The following CACNA2D4 variants were observed in gnomAD, a reference collection of about 807,000 sequenced individuals.
The protein encoded by CACNA2D4 is calcium voltage-gated channel auxiliary subunit alpha2delta 4.
Under a neutral mutation model 163.8 loss-of-function variants are expected in CACNA2D4, and 157 were observed. The ratio of observed to expected loss-of-function variants is 0.96; its 90% CI spans 0.84 to 1.09. The LOEUF is 1.09. Among genes scored for constraint, CACNA2D4 ranks in the 50% least tolerant of loss-of-function variants. CACNA2D4 has a pLI of 0.00. For missense variants in CACNA2D4, 1,410 were observed against 1,479.9 expected (o/e 0.95, Z 0.78); for synonymous variants, 598 against 586.9 (o/e 1.02, Z -0.27).
In CACNA2D4 at chr12:1,884,209, C is replaced by T. The variant is rs762593313; in HGVS notation, c.1351+34G>A. 6.9e-6 allele frequency: 11 copies of T among 1,595,054 alleles called. No homozygotes were observed. The Admixed American group carries it at 1.5e-4, about 22-fold the overall frequency. On this transcript the variant is annotated intron_variant, in intron 12 of 37. Transcript: ENST00000382722. The stretch of plus-strand genomic sequence containing the variant: ...TAACCCTGTCTCCTGTGCTCAGGTG[C>T]AGGTGGGAAGGTACCTGCTGGCCCG...
At chr12:1,857,063 G>A (rs574770297) in intron 20 of CACNA2D4, among the ~76,000 whole-genome samples, 250 of 152,322 alleles carry the variant, frequency 1.6e-3, no homozygotes, top group African/African-American at 5.7e-3. Flanking sequence ...TCTCCTGGAG[G>A]AGTGCACCCT....
At chr12:1,900,704 G>T (rs1866516988) in intron 6 of CACNA2D4, among the ~76,000 whole-genome samples, 1 of 152,118 alleles carries the variant, frequency 6.6e-6, no homozygotes, top group Admixed American at 6.6e-5. Context: ...GATATATAAA[G>T]CTAATATTAT....
In CACNA2D4 at chr12:1,884,317, C is replaced by G; in HGVS notation, c.1277G>C (p.Arg426Pro). 1 of 1,612,036 alleles carries G rather than the reference C, an allele frequency of 6.2e-7. No individual in the cohort carries two copies. The highest frequency in any genetic ancestry group is 1.3e-5 in the African/African-American group (1 of 75,020). ...TCTCCCAATGAGGTAAGTGAAAACTCGGACCTAACCCACAAGACACAGAGG... is the reference window on the plus strand; with the variant it reads ...TCTCCCAATGAGGTAAGTGAAAACTGGGACCTAACCCACAAGACACAGAGG... ...EKYNWPDCKV[R>P]VFTYLIGREV... Residue 426 changes from arginine (R) to proline (P), a missense_variant, in exon 12 of 38, where the codon CGA (arginine) becomes CCA (proline). Physicochemically the swap from Arg to Pro is moderately radical, Grantham distance 103. Transcript: ENST00000382722.
Position 1,856,228 on chromosome 12 carries a change from G to A in CACNA2D4, c.2010C>T (p.Gly670=). ...ILLGNTSVEE[G]LHDLLHPDLA... The stretch of plus-strand genomic sequence containing the variant: ...GGTCTGGGTGAAGCAAGTCATGCAG[G>A]CCTGAAACCAGAGTCCACATTCAGG... The change falls in exon 21 of 38, where the codon GGC becomes GGT. Residue 670 remains glycine, a splice_region_variant and synonymous_variant. Coordinates refer to ENST00000382722, the MANE Select transcript of CACNA2D4 (RefSeq NM_172364.5). The A allele has an allele frequency of 6.2e-7, 1 of 1,613,996 alleles. No homozygotes were observed. The highest frequency in any genetic ancestry group is 2.2e-5 in the East Asian group (1 of 44,884).
rs1457031721 is a variant in CACNA2D4, at chr12:1,875,565, A to T, written c.1720-228T>A. ...CACGGCCTCTGAGTGAATCTTCCCC[A>T]TGGCAGGGAGCTCCCTATCTCGTGG... On this transcript the variant is annotated intron_variant, in intron 16 of 37. Coordinates refer to ENST00000382722, the MANE Select transcript of CACNA2D4 (RefSeq NM_172364.5). The surrounding 1 kb of genome is among the most constrained non-coding windows in gnomAD (Gnocchi z 4.0). 6.6e-6 allele frequency among the ~76,000 whole-genome samples: 1 copy of T among 152,018 alleles called. No homozygotes were observed. The highest frequency in any genetic ancestry group is 1.5e-5 in the Non-Finnish European group (1 of 67,978).
At position 1,860,210 on chromosome 12, in the gene CACNA2D4, A is replaced by G; in HGVS notation, c.1879-4T>C. ...TGGTCAGGAAAAGAACTCGCTTCTG[A>G]AAGAGTAGACAAGGAAAGAGTGCTC... On this transcript the variant is annotated splice_polypyrimidine_tract_variant and splice_region_variant and intron_variant, in intron 18 of 37. Coordinates refer to ENST00000382722, the MANE Select transcript of CACNA2D4 (RefSeq NM_172364.5). 1 of 1,612,866 alleles carries G rather than the reference A, an allele frequency of 6.2e-7. No homozygotes were observed. The highest frequency in any genetic ancestry group is 8.5e-7 in the Non-Finnish European group (1 of 1,179,196).
intron 31 of CACNA2D4, 70 bp downstream of exon 31, chr12:1,800,973 G>T: frequency 1.4e-6 from 2 of 1,428,476 alleles, no homozygotes; most frequent in Non-Finnish European, 2.0e-6. Flanking sequence ...AGGGACCAGT[G>T]ACCTCATTCC....
chr12:1,811,738 G>A lies in CACNA2D4; in HGVS notation c.2552-15C>T, dbSNP rs748711696. 2.9e-4 allele frequency: 459 copies of A among 1,558,162 alleles called. No homozygotes were observed. Among genetic ancestry groups the A allele is most frequent in the Non-Finnish European group, 3.9e-4 (451 of 1,150,494 alleles). On this transcript the variant is annotated splice_polypyrimidine_tract_variant and intron_variant, in intron 26 of 37. Transcript: ENST00000382722. ...GACGCCCGCGGCTACAGGGCAGAAA[G>A]AGAGAGGGCAAGGCCAGGGAAGAGA...
chr12:1,893,727 C>T (rs1318597832), intron 6 of CACNA2D4, among the ~76,000 whole-genome samples: 1 of 151,898 alleles, frequency 6.6e-6, no homozygotes, highest in East Asian at 1.9e-4. Context: ...AATTGAAAAA[C>T]AATATACCAA....
At chr12:1,822,968 G>A (rs1007734232) in intron 26 of CACNA2D4, among the ~76,000 whole-genome samples, 2 of 152,212 alleles carry the variant, frequency 1.3e-5, no homozygotes, top group Admixed American at 6.5e-5. Flanking sequence ...CAGGCCCAGG[G>A]TGTGGGCCCA....
intron 25 of CACNA2D4, 130 bp from the exon 26 acceptor site, chr12:1,840,949 G>T (rs2154447676): frequency 1.3e-6 from 1 of 774,654 alleles, no homozygotes; most frequent in African/African-American, 1.7e-5. Flanking sequence ...TTGAGGCGAG[G>T]GTGGGGACAG....
At chr12:1,889,074 C>T (rs1227737154) in intron 6 of CACNA2D4, among the ~76,000 whole-genome samples, 1 of 152,198 alleles carries the variant, frequency 6.6e-6, no homozygotes, top group African/African-American at 2.4e-5. Context: ...AGTGGATAAA[C>T]AGTTTTAAGA....
Position 1,878,331 on chromosome 12 carries a change from G to T in CACNA2D4, c.1703C>A (p.Pro568His), listed in dbSNP as rs1380860092. ...TGTACCTACCAGGGGCCGGAGGTCGGGATGGGAGAGGATGTAGCCATTGTT... is the reference window on the plus strand; with the variant it reads ...TGTACCTACCAGGGGCCGGAGGTCGTGATGGGAGAGGATGTAGCCATTGTT... The part of the protein sequence containing the change: ...NTNNGYILSH[P>H]DLRPLYREGK... Residue 568 changes from proline to histidine, a missense_variant, in exon 16 of 38, where the codon CCC becomes CAC. By Grantham distance (77) the Pro-to-His change is moderately conservative (BLOSUM62 -2). Coordinates refer to ENST00000382722, the MANE Select transcript of CACNA2D4 (RefSeq NM_172364.5). This position sits in a 1 kb window ranked among gnomAD's most constrained non-coding sequence, Gnocchi z 4.6. The T allele has an allele frequency of 1.9e-6, 3 of 1,609,366 alleles. No homozygotes were observed. The highest frequency in any genetic ancestry group is 2.5e-6 in the Non-Finnish European group (3 of 1,178,236).
In CACNA2D4 at chr12:1,907,927, C is replaced by T. The variant is rs750330076; in HGVS notation, c.597G>A (p.Pro199=). 3 of 1,614,040 alleles carry T rather than the reference C, an allele frequency of 1.9e-6. No homozygotes were observed. Among genetic ancestry groups the T allele is most frequent in the Admixed American group, 3.3e-5 (2 of 60,028 alleles). ...LESNAHFSNL[P]VNTSISSVQL... The stretch of plus-strand genomic sequence containing the variant: ...GCACGCTGCTGATGGAGGTGTTCAC[C>T]GGCAGGTTGCTGAAGTGAGCATTGG... The change falls in exon 5 of 38, where the codon CCG becomes CCA. Residue 199 remains proline, a synonymous_variant. Coordinates refer to ENST00000382722, the MANE Select transcript of CACNA2D4 (RefSeq NM_172364.5).
At chr12:1,825,456 G>A (rs1274790902) in intron 26 of CACNA2D4, among the ~76,000 whole-genome samples, 1 of 152,178 alleles carries the variant, frequency 6.6e-6, no homozygotes, top group East Asian at 1.9e-4. Context: ...GCTCTGCAGG[G>A]GTTCTCTCTA....
rs1433409491 is a variant in CACNA2D4 at position 1,828,571 on chromosome 12, G to C, written c.2551+12168C>G. Among the ~76,000 whole-genome samples, 9 of 152,240 alleles carry C rather than the reference G, an allele frequency of 5.9e-5. No homozygotes were observed. The highest frequency in any genetic ancestry group is 1.7e-4 in the African/African-American group (7 of 41,466). On this transcript the variant is annotated intron_variant, in intron 26 of 37. Coordinates refer to ENST00000382722, the MANE Select transcript of CACNA2D4 (RefSeq NM_172364.5). The surrounding 1 kb of genome is among the most constrained non-coding windows in gnomAD (Gnocchi z 4.2). ...GTCTTAAACAGCCTCACTGGTGCCT[G>C]AGCTTGTCGGCCTGTGTCACAGACT... is the stretch of plus-strand genomic sequence containing the variant.
At chr12:1,901,809 T>A (rs556740219) in intron 6 of CACNA2D4, among the ~76,000 whole-genome samples, 229 of 152,068 alleles carry the variant, frequency 1.5e-3, no homozygotes, top group Non-Finnish European at 2.6e-3. Flanking sequence ...CAAACTATTA[T>A]GAAAAATAGA....
chr12:1,831,593 C>G, intron 26 of CACNA2D4: 4 of 1,350,554 alleles, frequency 3.0e-6, no homozygotes, highest in South Asian at 2.7e-5. Context: ...ACACTTTCCT[C>G]CTGGTGGCTG....
rs1029623662 is a variant in CACNA2D4 at position 1,833,284 on chromosome 12, A to C, written c.2551+7455T>G. ...CAGTGACGGAGTGGCTGCAGCCCGC[A>C]TCTTTTCGGCAGGGGGTCTAGTGCC... On this transcript the variant is annotated intron_variant, in intron 26 of 37. Coordinates refer to ENST00000382722, the MANE Select transcript of CACNA2D4 (RefSeq NM_172364.5). This position sits in a 1 kb window ranked among gnomAD's most constrained non-coding sequence, Gnocchi z 4.2. Among the ~76,000 whole-genome samples, 1 of 152,128 alleles carries C rather than the reference A, an allele frequency of 6.6e-6. No individual in the cohort carries two copies. The highest frequency in any genetic ancestry group is 6.5e-5 in the Admixed American group (1 of 15,280).
Sources: gnomAD v4.1 joint callset for allele counts (sites outside exome capture counted in the v4.1 genomes callset) on GRCh38, gnomAD v4.1.1 for gene constraint, Gnocchi (gnomAD v3.1) non-coding constraint, MANE v1.5 for transcripts, NCBI Gene and HGNC (gene_info 2026-07-23, HGNC 2026-07-21) for gene names.